ASH1L: variants seen among roughly 807,000 people sequenced by gnomAD.
ASH1L encodes histone-lysine N-methyltransferase ASH1L.
ASH1L carries 23 observed loss-of-function variants against 269.0 expected under a neutral mutation model. The ratio of observed to expected loss-of-function variants is 0.09; its 90% CI spans 0.06 to 0.12. The LOEUF (loss-of-function observed/expected upper bound fraction) is 0.12, where lower values mean the gene tolerates loss of function less well. Ranked by LOEUF, ASH1L falls within the 10% of genes least tolerant of loss-of-function variation. ASH1L has a pLI of 1.00. For synonymous variants in ASH1L, 1,187 were observed against 1,253.5 expected (o/e 0.95, Z 1.12); for missense variants, 2,912 against 3,567.8 (o/e 0.82, Z 4.68).
At position 155,357,407 on chromosome 1, in the gene ASH1L, C is replaced by G. The variant is rs1301629372; in HGVS notation, c.6964G>C (p.Gly2322Arg). The G allele has an allele frequency of 3.7e-6, 6 of 1,612,620 alleles. No individual in the cohort carries two copies. Among genetic ancestry groups the G allele is most frequent in the Non-Finnish European group, 5.1e-6 (6 of 1,179,010 alleles). The stretch of plus-strand genomic sequence containing the variant: ...TCACTGGGTTCCTCAGAGAGATGGC[C>G]TCTCTGAAAAAGAGATGGATCAGAT... ...KSKHKLKKRR[G>R]HLSEEPSENI... The change falls in exon 15 of 28, where the codon GGC becomes CGC. Residue 2322 changes from glycine (G) to arginine (R), a missense_variant. Physicochemically the swap from Gly to Arg is moderately radical, Grantham distance 125. Around this residue, in one of 13 missense-constraint regions of ASH1L, gnomAD observed 309 missense variants for 435.1 expected, o/e 0.71. Transcript: ENST00000392403.
rs868856560 is a variant in ASH1L, at chr1:155,527,554, T to C, written c.-99-5936A>G. On this transcript the variant is annotated intron_variant, in intron 1 of 27. Transcript: ENST00000392403. The stretch of plus-strand genomic sequence containing the variant: ...ACCTTTTTTTTTTTTTTTTTTTTTT[T>C]GAGTCAAGGTCTCTCTCTGTCACCC... 2.6e-3 allele frequency among the ~76,000 whole-genome samples: 306 copies of C among 116,986 alleles called. 2 individuals carry two copies. Among genetic ancestry groups the C allele is most frequent in the South Asian group, 0.023 (81 of 3,498 alleles). 76.7% of individuals were successfully genotyped at this position (116,986 alleles called of 152,430 possible).
intron 2 of ASH1L, among the ~76,000 whole-genome samples, chr1:155,517,983 G>A (rs1230185935): frequency 6.6e-6 from 1 of 151,280 alleles, no homozygotes; most frequent in Non-Finnish European, 1.5e-5. Context: ...TGTATTTTTA[G>A]TAGAGACAGG....
chr1:155,536,862 G>A lies in ASH1L; in HGVS notation c.-99-15244C>T, dbSNP rs1205668432. Among the ~76,000 whole-genome samples, 3 of 152,002 alleles carry A rather than the reference G, an allele frequency of 2.0e-5. No homozygotes were observed. In the East Asian group the frequency reaches 5.8e-4, roughly 29 times the overall value. ...TCGAGACCATCCTGGCTAACATGGT[G>A]AAACCTCGTCTCTACCAAAAATACA... On this transcript the variant is annotated intron_variant, in intron 1 of 27. Coordinates refer to ENST00000392403, the MANE Select transcript of ASH1L (RefSeq NM_018489.3).
intron 3 of ASH1L, among the ~76,000 whole-genome samples, chr1:155,467,467 AACT>A (rs1664778375): frequency 6.6e-6 from 1 of 152,214 alleles, no homozygotes; most frequent in South Asian, 2.1e-4. Flanking sequence ...AAAATAAGCT[AACT>A]ACCATATGCA....
At chr1:155,529,387 C>T (rs1027404188) in intron 1 of ASH1L, among the ~76,000 whole-genome samples, 4 of 144,960 alleles carry the variant, frequency 2.8e-5, no homozygotes, top group Non-Finnish European at 6.0e-5. Flanking sequence ...AATAGCCATT[C>T]TGAATGATGT....
intron 2 of ASH1L, among the ~76,000 whole-genome samples, chr1:155,489,409 G>A (rs958032363): frequency 6.6e-6 from 1 of 151,038 alleles, no homozygotes; most frequent in Middle Eastern, 3.4e-3. Context: ...GGGAGGCAGA[G>A]GTTGCAGTGA....
chr1:155,502,036 A>T (rs1667541192), intron 2 of ASH1L, among the ~76,000 whole-genome samples: 1 of 151,782 alleles, frequency 6.6e-6, no homozygotes, highest in African/African-American at 2.4e-5. Context: ...ATATTTGAGT[A>T]ATACAGTTAT....
rs1335393656 is a variant in ASH1L, at chr1:155,349,605, G to C, written c.7367-9C>G. The C allele has an allele frequency of 3.1e-6, 5 of 1,610,988 alleles. No homozygotes were observed. The highest frequency in any genetic ancestry group is 3.4e-6 in the Non-Finnish European group (4 of 1,178,254). ...TGCTTGCCGGGAAGAATCTGCAAAA[G>C]AATGTGAGGTTTAGTAGAAAGATTC... On this transcript the variant is annotated splice_polypyrimidine_tract_variant and intron_variant, in intron 17 of 27. Coordinates refer to ENST00000392403, the MANE Select transcript of ASH1L (RefSeq NM_018489.3).
chr1:155,338,283 G>A lies in ASH1L; in HGVS notation c.8609C>T (p.Ala2870Val). ...CTCCTCCAGGCTGGGTATCTCATTG[G>A]CTGCTTGCTCTTGACTGGCTAGAAC... is the stretch of plus-strand genomic sequence containing the variant. ...EEVLASQEQAANEIPSLEEPE... is the reference protein window; with the variant it reads ...EEVLASQEQAVNEIPSLEEPE... Residue 2870 changes from alanine to valine, a missense_variant, in exon 27 of 28, where the codon GCC becomes GTC. Ala to Val is a moderately conservative substitution (Grantham distance 64, BLOSUM62 0). This residue lies in a region of ASH1L where 154 missense variants were observed against 165.0 expected (regional missense o/e 0.93). Coordinates refer to ENST00000392403, the MANE Select transcript of ASH1L (RefSeq NM_018489.3). The A allele has an allele frequency of 6.2e-7, 1 of 1,613,970 alleles. No individual in the cohort carries two copies.
Position 155,472,335 on chromosome 1 carries a change from A to C in ASH1L, c.4984+5551T>G, listed in dbSNP as rs1665168593. Among the ~76,000 whole-genome samples, 3 of 152,300 alleles carry C rather than the reference A, an allele frequency of 2.0e-5. No homozygotes were observed. In the South Asian group the frequency reaches 6.2e-4, roughly 32 times the overall value. On this transcript the variant is annotated intron_variant, in intron 3 of 27. Transcript: ENST00000392403. ...TTTTAAAAAGACAAATTCGTACTTA[A>C]CACAGGTACTTTTGCATAAACTTCC...
intron 11 of ASH1L, 55 bp from the exon 12 acceptor site, chr1:155,370,705 T>C (rs1655870202): frequency 2.5e-6 from 4 of 1,611,942 alleles, no homozygotes; most frequent in Middle Eastern, 1.7e-4. Context: ...AAAGTAAATT[T>C]CACATCTTCC....
chr1:155,395,560 T>TA lies in ASH1L; in HGVS notation c.6009-8dup, dbSNP rs752356301. On this transcript the variant is annotated splice_polypyrimidine_tract_variant and splice_region_variant and intron_variant, in intron 6 of 27. Transcript: ENST00000392403. ...GATCAATCGACTCTTTGGGCTGTGA[T>TA]AAAAAAAGAATGGGAAACAGTCAAG... 2.7e-5 allele frequency: 43 copies of TA among 1,599,800 alleles called. No homozygotes were observed. The highest frequency in any genetic ancestry group is 8.8e-5 in the Admixed American group (5 of 56,738).
chr1:155,371,091 T>C, intron 10 of ASH1L, 108 bp from the exon 11 acceptor site: 1 of 914,084 alleles, frequency 1.1e-6, no homozygotes, highest in East Asian at 2.7e-5. Flanking sequence ...AATCAATTTT[T>C]ATTTAATAAA....
At chr1:155,473,738 T>C (rs1665301397) in intron 3 of ASH1L, among the ~76,000 whole-genome samples, 1 of 152,166 alleles carries the variant, frequency 6.6e-6, no homozygotes, top group South Asian at 2.1e-4. Context: ...TAGGCTCAAG[T>C]GATACTTCAA....
At chr1:155,387,014 T>C (rs1657493951) in intron 7 of ASH1L, among the ~76,000 whole-genome samples, 1 of 151,934 alleles carries the variant, frequency 6.6e-6, no homozygotes, top group South Asian at 2.1e-4. Context: ...AGTTTTGCTG[T>C]GTTGCCCAGG....
intron 2 of ASH1L, 137 bp downstream of exon 2, chr1:155,520,963 T>C: frequency 1.1e-6 from 1 of 890,636 alleles, no homozygotes; most frequent in Non-Finnish European, 1.7e-6. Context: ...GGGGCTTATT[T>C]TAAGGCTCAC....
At chr1:155,497,771 C>A (rs920656822) in intron 2 of ASH1L, among the ~76,000 whole-genome samples, 1 of 146,884 alleles carries the variant, frequency 6.8e-6, no homozygotes, top group Admixed American at 6.8e-5. Flanking sequence ...TTTTTTGAGA[C>A]GGAGTCTCAC....
chr1:155,434,834 G>C (rs770001803), intron 5 of ASH1L, among the ~76,000 whole-genome samples: 17 of 151,414 alleles, frequency 1.1e-4, no homozygotes, highest in Non-Finnish European at 2.2e-4. Context: ...CTGGGCGACA[G>C]AGCGAGACTC....
chr1:155,356,351 T>C (rs1558026462), intron 15 of ASH1L, among the ~76,000 whole-genome samples: 2 of 152,140 alleles, frequency 1.3e-5, no homozygotes, highest in Non-Finnish European at 2.9e-5. Flanking sequence ...ATTTAAATTA[T>C]TGGCCAGGTG....
Sources: allele counts gnomAD v4.1 joint callset (sites outside exome capture counted in the v4.1 genomes callset), GRCh38; gene constraint gnomAD v4.1.1; regional missense constraint gnomAD v4.1.1; transcripts MANE v1.5; gene names NCBI Gene and HGNC (gene_info 2026-07-23, HGNC 2026-07-21).